The following CHST11 variants were observed in gnomAD, a reference collection of about 807,000 sequenced individuals.
The protein encoded by CHST11 is carbohydrate sulfotransferase 11, also known as C4S-1.
Under a neutral mutation model 30.4 loss-of-function variants are expected in CHST11, and 9 were observed. The observed-to-expected ratio is 0.30, with a 90% CI of 0.18 to 0.52. CHST11 has a LOEUF of 0.52. Among genes scored for constraint, CHST11 ranks in the 20% least tolerant of loss-of-function variants. CHST11 has a pLI of 0.97. For missense variants in CHST11, 348 were observed against 460.6 expected, an observed-to-expected ratio of 0.76 and a Z score of 2.24; for synonymous variants, 152 against 187.8, an observed-to-expected ratio of 0.81 and a Z score of 1.56.
intron 2 of CHST11, among the ~76,000 whole-genome samples, chr12:104,696,502 AAAAAAC>A (rs1566042400): frequency 1.3e-5 from 2 of 149,978 alleles, no homozygotes; most frequent in African/African-American, 4.9e-5. Context: ...AAAAAAAAAA[AAAAAAC>A]ATAGCTGGGC....
chr12:104,680,289 G>A (rs1162234107), intron 2 of CHST11, among the ~76,000 whole-genome samples: 1 of 152,276 alleles, frequency 6.6e-6, no homozygotes, highest in Non-Finnish European at 1.5e-5. Flanking sequence ...GGAGTGACAT[G>A]CAAATGCCAT....
chr12:104,711,596 T>C (rs1303861091), intron 2 of CHST11, among the ~76,000 whole-genome samples: 1 of 152,100 alleles, frequency 6.6e-6, no homozygotes, highest in Non-Finnish European at 1.5e-5. Context: ...AGAGGTTTAT[T>C]CTCTTCTCAG....
At chr12:104,655,285 G>T (rs703658) in intron 2 of CHST11, among the ~76,000 whole-genome samples, 18,058 of 152,276 alleles carry the variant, frequency 0.12, 1,418 homozygotes, top group Non-Finnish European at 0.17. Flanking sequence ...CCGGAGGCGC[G>T]GGCAGGTATT....
chr12:104,696,482 CAAAAAAAAAAAAAA>C (rs10602668), intron 2 of CHST11, among the ~76,000 whole-genome samples: 1 of 69,140 alleles, frequency 1.4e-5, no homozygotes, highest in Non-Finnish European at 2.5e-5. Flanking sequence ...GCTAAAAATA[CAAAAAAAAAAAAAA>C]AAAAAAAAAA....
intron 2 of CHST11, among the ~76,000 whole-genome samples, chr12:104,748,547 G>C (rs891461459): frequency 6.6e-6 from 1 of 151,802 alleles, no homozygotes; most frequent in Non-Finnish European, 1.5e-5. Flanking sequence ...GGGGGCTGGA[G>C]GGGGGAGGGG....
chr12:104,660,540 G>A (rs937930163), intron 2 of CHST11, among the ~76,000 whole-genome samples: 2 of 152,214 alleles, frequency 1.3e-5, no homozygotes, highest in East Asian at 1.9e-4. Flanking sequence ...GAGGAGGCCC[G>A]TGAAAGAGAA....
At chr12:104,721,196 T>A (rs2040173211) in intron 2 of CHST11, among the ~76,000 whole-genome samples, 1 of 152,168 alleles carries the variant, frequency 6.6e-6, no homozygotes. Context: ...TCATCAGGCA[T>A]CACAGATTTA....
chr12:104,526,991 A>G (rs959306690), intron 1 of CHST11, among the ~76,000 whole-genome samples: 4 of 151,994 alleles, frequency 2.6e-5, no homozygotes, highest in Non-Finnish European at 5.9e-5. Context: ...CCCAAATTCC[A>G]TTCTCCTCAG....
chr12:104,527,956 C>T (rs189555181), intron 1 of CHST11, among the ~76,000 whole-genome samples: 126 of 152,228 alleles, frequency 8.3e-4, no homozygotes, highest in African/African-American at 2.6e-3. Flanking sequence ...CTCAGTATCA[C>T]GAGAACAGTA....
intron 2 of CHST11, among the ~76,000 whole-genome samples, chr12:104,701,168 G>A (rs866818476): frequency 3.9e-5 from 6 of 152,152 alleles, no homozygotes; most frequent in Non-Finnish European, 8.8e-5. Flanking sequence ...GCTCAGAGGG[G>A]TTGAGTAACC....
In CHST11 at chr12:104,760,257, T is replaced by TA. The variant is rs35653332; in HGVS notation, c.*2464dup. Reference sequence around the variant, plus strand: ...AACTGCCACCCCAACACCCTTCCATTAAAAAAAAAATACAAAATAGCACCA... The same window carrying TA: ...AACTGCCACCCCAACACCCTTCCATTAAAAAAAAAAATACAAAATAGCACCA... On this transcript the variant is annotated 3_prime_UTR_variant, in exon 3 of 3. Coordinates refer to ENST00000303694, the MANE Select transcript of CHST11 (RefSeq NM_018413.6). The TA allele has an allele frequency of 0.63, 93,222 of 149,080 alleles. 29,198 individuals carry two copies. Among genetic ancestry groups the TA allele is most frequent in the Middle Eastern group, 0.73 (211 of 288 alleles). 9.2% of individuals were successfully genotyped at this position (149,080 alleles called of 1,614,324 possible). A position where few individuals can be genotyped will look rare whatever the true frequency, so the allele number is the denominator to read the frequency against.
At chr12:104,500,428 G>T (rs1010195949) in intron 1 of CHST11, among the ~76,000 whole-genome samples, 2 of 152,192 alleles carry the variant, frequency 1.3e-5, no homozygotes, top group African/African-American at 4.8e-5. Context: ...GGGACAAAAT[G>T]AACCAAGGAT....
chr12:104,601,527 A>C (rs1484475174), intron 1 of CHST11, among the ~76,000 whole-genome samples: 1 of 152,226 alleles, frequency 6.6e-6, no homozygotes, highest in Admixed American at 6.5e-5. Context: ...TTGCTGGAGA[A>C]GTCTGCGGAA....
At chr12:104,508,497 G>A (rs1452383712) in intron 1 of CHST11, among the ~76,000 whole-genome samples, 3 of 152,204 alleles carry the variant, frequency 2.0e-5, no homozygotes, top group Admixed American at 2.0e-4. Context: ...CCCTGTTGCT[G>A]TTGAAGCAAG....
At chr12:104,618,438 T>C (rs2039129826) in intron 2 of CHST11, among the ~76,000 whole-genome samples, 1 of 151,738 alleles carries the variant, frequency 6.6e-6, no homozygotes, top group Non-Finnish European at 1.5e-5. Context: ...TCTCACTATG[T>C]TGCCCAGGTT....
At chr12:104,547,178 G>A (rs184258398) in intron 1 of CHST11, among the ~76,000 whole-genome samples, 79 of 152,328 alleles carry the variant, frequency 5.2e-4, no homozygotes, top group African/African-American at 1.9e-3. Flanking sequence ...GGTACAAATC[G>A]TAAGATCTTC....
chr12:104,735,096 C>G (rs2040289771), intron 2 of CHST11, among the ~76,000 whole-genome samples: 1 of 152,142 alleles, frequency 6.6e-6, no homozygotes, highest in South Asian at 2.1e-4. Flanking sequence ...CTTCAGGGAG[C>G]AGAGGTAGGG....
chr12:104,648,596 G>A (rs879565875), intron 2 of CHST11, among the ~76,000 whole-genome samples: 2 of 152,070 alleles, frequency 1.3e-5, no homozygotes, highest in Non-Finnish European at 2.9e-5. Flanking sequence ...GATCACTTGC[G>A]GTCAGGAGTT....
chr12:104,528,013 C>T (rs369390414), intron 1 of CHST11, among the ~76,000 whole-genome samples: 23 of 152,314 alleles, frequency 1.5e-4, no homozygotes, highest in African/African-American at 5.5e-4. Flanking sequence ...CCAGGTTCCT[C>T]CCTTGACACG....
Sources: allele counts gnomAD v4.1 joint callset (sites outside exome capture counted in the v4.1 genomes callset), GRCh38; gene constraint gnomAD v4.1.1; transcripts MANE v1.5; gene names NCBI Gene and HGNC (gene_info 2026-07-23, HGNC 2026-07-21).